Variants in GPC5 observed in about 807,000 individuals in gnomAD.
GPC5 encodes glypican 5.
GPC5 carries 47 observed loss-of-function variants against 53.9 expected under a neutral mutation model. That is an observed-to-expected ratio of 0.87 (90% confidence interval 0.69 to 1.11). The LOEUF (loss-of-function observed/expected upper bound fraction) is 1.11. Ranked by LOEUF, GPC5 falls within the 50% of genes most tolerant of loss-of-function variation. The pLI, the probability that GPC5 is intolerant of heterozygous loss-of-function variation, is 0.00. For synonymous variants in GPC5, 286 were observed against 263.3 expected (o/e 1.09, Z -0.84); for missense variants, 748 against 713.1 (o/e 1.05, Z -0.56).
chr13:92,169,396 T>C (rs1206850390), intron 7 of GPC5, among the ~76,000 whole-genome samples: 4 of 152,240 alleles, frequency 2.6e-5, no homozygotes, highest in African/African-American at 9.6e-5. Context: ...GGTTTAAAAA[T>C]TCACGTTTCC....
intron 6 of GPC5, among the ~76,000 whole-genome samples, chr13:91,911,362 G>A (rs1828907180): frequency 2.0e-5 from 3 of 152,052 alleles, no homozygotes; most frequent in African/African-American, 7.2e-5. Flanking sequence ...TGGCCAATAT[G>A]GTGAAACCCT....
At chr13:91,936,113 T>C (rs1408520859) in intron 6 of GPC5, among the ~76,000 whole-genome samples, 1 of 152,080 alleles carries the variant, frequency 6.6e-6, no homozygotes, top group East Asian at 1.9e-4. Context: ...AGTGATTGTA[T>C]TAACTAGGAT....
chr13:92,023,355 A>G (rs1206897662), intron 6 of GPC5, among the ~76,000 whole-genome samples: 1 of 152,108 alleles, frequency 6.6e-6, no homozygotes, highest in Non-Finnish European at 1.5e-5. Flanking sequence ...TGTTCATACT[A>G]CATGTACCTT....
chr13:91,563,134 G>T (rs1345312542), intron 2 of GPC5, among the ~76,000 whole-genome samples: 19 of 151,900 alleles, frequency 1.3e-4, no homozygotes, highest in African/African-American at 2.4e-5. Flanking sequence ...ATTTTACTCT[G>T]TGCTAAAAAT....
chr13:92,587,636 A>C (rs1883580318), intron 7 of GPC5, among the ~76,000 whole-genome samples: 1 of 152,200 alleles, frequency 6.6e-6, no homozygotes, highest in South Asian at 2.1e-4. Context: ...AGTCTCAATA[A>C]AAATTTAATG....
rs559236490 is a variant in GPC5, at chr13:92,609,334, CTT to C, written c.1562-256947_1562-256946del. Among the ~76,000 whole-genome samples the C allele has an allele frequency of 4.7e-3, 723 of 152,214 alleles. 1 individual carries two copies. Among genetic ancestry groups the C allele is most frequent in the Non-Finnish European group, 8.4e-3 (573 of 68,006 alleles). On this transcript the variant is annotated intron_variant, in intron 7 of 7. Transcript: ENST00000377067. Reference sequence around the variant, plus strand: ...GTTGGGGAATACATAGGTGATGACACTTATTACCTTAGATAAGTTACTACCTC... The same window carrying C: ...GTTGGGGAATACATAGGTGATGACACATTACCTTAGATAAGTTACTACCTC...
chr13:91,411,514 T>C (rs997221305), intron 1 of GPC5, among the ~76,000 whole-genome samples: 1 of 152,212 alleles, frequency 6.6e-6, no homozygotes, highest in African/African-American at 2.4e-5. Flanking sequence ...AGGCAGTAGC[T>C]ACAGAAGGAC....
At chr13:92,088,577 G>C (rs1423732329) in intron 6 of GPC5, among the ~76,000 whole-genome samples, 1 of 152,108 alleles carries the variant, frequency 6.6e-6, no homozygotes. Context: ...CATTGGCTAT[G>C]GGCCACACCT....
intron 7 of GPC5, among the ~76,000 whole-genome samples, chr13:92,244,049 T>C (rs2139119695): frequency 6.6e-6 from 1 of 152,284 alleles, no homozygotes; most frequent in Middle Eastern, 3.4e-3. Context: ...AAGATTAGGA[T>C]AGAAGAGTAC....
At chr13:91,451,433 A>G (rs1270391422) in intron 2 of GPC5, among the ~76,000 whole-genome samples, 3 of 152,080 alleles carry the variant, frequency 2.0e-5, no homozygotes, top group Admixed American at 2.0e-4. Flanking sequence ...CAGAGGGCAC[A>G]CTATTGTTAG....
intron 7 of GPC5, among the ~76,000 whole-genome samples, chr13:92,803,436 A>G (rs1278363688): frequency 2.6e-5 from 4 of 151,916 alleles, no homozygotes; most frequent in African/African-American, 9.7e-5. Context: ...TAAATTTTCC[A>G]TGTTGGAAAT....
chr13:91,763,743 T>C (rs1254487475), intron 5 of GPC5, among the ~76,000 whole-genome samples: 3 of 152,146 alleles, frequency 2.0e-5, no homozygotes, highest in South Asian at 2.1e-4. Flanking sequence ...GGTAGGTAAT[T>C]TTTATTTCAT....
At chr13:92,159,103 C>T (rs1398615037) in intron 7 of GPC5, among the ~76,000 whole-genome samples, 2 of 152,196 alleles carry the variant, frequency 1.3e-5, no homozygotes, top group Non-Finnish European at 2.9e-5. Context: ...TCTGAGCCTC[C>T]TCTTCTGTAA....
chr13:92,186,089 T>C (rs997117232), intron 7 of GPC5, among the ~76,000 whole-genome samples: 9 of 152,124 alleles, frequency 5.9e-5, no homozygotes, highest in African/African-American at 2.2e-4. Context: ...TCAGAGGCAG[T>C]TATATTTCAA....
chr13:92,812,742 A>G lies in GPC5; in HGVS notation c.1562-53540A>G, dbSNP rs187846855. Among the ~76,000 whole-genome samples the G allele has an allele frequency of 6.1e-4, 93 of 152,060 alleles. 1 individual carries two copies. In the East Asian group the frequency reaches 0.017, roughly 28 times the overall value. ...TCCACAAGAAATCTTACTAAAGCTAAAAAATGAATTCAGCAGTGTTAGGGT... is the reference window on the plus strand; with the variant it reads ...TCCACAAGAAATCTTACTAAAGCTAGAAAATGAATTCAGCAGTGTTAGGGT... On this transcript the variant is annotated intron_variant, in intron 7 of 7. Transcript: ENST00000377067.
intron 7 of GPC5, among the ~76,000 whole-genome samples, chr13:92,793,531 G>C (rs556066363): frequency 1.3e-5 from 2 of 152,016 alleles, no homozygotes; most frequent in Non-Finnish European, 2.9e-5. Context: ...AAATAACTAA[G>C]ATCAGAGCGG....
chr13:92,062,487 G>T (rs966817204), intron 6 of GPC5, among the ~76,000 whole-genome samples: 6 of 151,876 alleles, frequency 4.0e-5, no homozygotes, highest in Admixed American at 1.3e-4. Context: ...GTAGTAACAA[G>T]AAATTTTCCT....
chr13:92,563,376 T>TA (rs1244618431), intron 7 of GPC5, among the ~76,000 whole-genome samples: 2 of 151,998 alleles, frequency 1.3e-5, no homozygotes, highest in Non-Finnish European at 2.9e-5. Flanking sequence ...TGACTAAACA[T>TA]AAAAAGAGAT....
chr13:92,721,955 C>G (rs897369942), intron 7 of GPC5, among the ~76,000 whole-genome samples: 1 of 151,972 alleles, frequency 6.6e-6, no homozygotes, highest in Non-Finnish European at 1.5e-5. Context: ...CACAGATGGG[C>G]ACCTAGCTGA....
Sources: gnomAD v4.1 joint callset for allele counts (sites outside exome capture counted in the v4.1 genomes callset) on GRCh38, gnomAD v4.1.1 for gene constraint, MANE v1.5 for transcripts, NCBI Gene and HGNC (gene_info 2026-07-23, HGNC 2026-07-21) for gene names.